ACAA2: variants seen among roughly 807,000 people sequenced by gnomAD.
ACAA2 encodes 3-ketoacyl-CoA thiolase, mitochondrial.
Under a neutral mutation model 44.8 loss-of-function variants are expected in ACAA2, and 35 were observed. That is an observed-to-expected ratio of 0.78 (90% CI 0.60 to 1.04). The LOEUF is 1.04. Ranked by LOEUF, ACAA2 falls within the 50% of genes least tolerant of loss-of-function variation. The probability of loss-of-function intolerance (pLI) is 0.00; values close to 1 mark genes in which losing one functional copy is unlikely to be tolerated. For missense variants in ACAA2, 468 were observed against 482.6 expected (o/e 0.97, Z 0.28); for synonymous variants, 142 against 166.5 (o/e 0.85, Z 1.13).
chr18:49,798,663 G>A (rs1271126237), intron 2 of ACAA2, among the ~76,000 whole-genome samples: 3 of 152,008 alleles, frequency 2.0e-5, no homozygotes, highest in Non-Finnish European at 4.4e-5. Context: ...TGACAAATTC[G>A]GCACATTTAT....
chr18:49,796,857 G>A (rs941740058), intron 3 of ACAA2, among the ~76,000 whole-genome samples: 11 of 152,064 alleles, frequency 7.2e-5, no homozygotes, highest in Non-Finnish European at 1.2e-4. Context: ...TTGCTTCATA[G>A]GATGGTTGTA....
chr18:49,785,512 G>T, intron 8 of ACAA2, 161 bp from the exon 9 acceptor site: 1 of 684,630 alleles, frequency 1.5e-6, no homozygotes. Context: ...AAAGCTATCA[G>T]GTTTAAAATG....
rs1598793119 is a variant in ACAA2, at chr18:49,791,516, A to T, written c.837T>A (p.Ile279=). 1.2e-6 allele frequency: 2 copies of T among 1,612,520 alleles called. No individual in the cohort carries two copies. Among genetic ancestry groups the T allele is most frequent in the African/African-American group, 2.7e-5 (2 of 74,974 alleles). The part of the protein sequence containing the change: ...KKHNFTPLAR[I]VGYFVSGCDP... ...CACATCCAGATACAAAGTAGCCCACAATTCTTGCCAGTGGTGTGAAGTTAT... is the reference window on the plus strand; with the variant it reads ...CACATCCAGATACAAAGTAGCCCACTATTCTTGCCAGTGGTGTGAAGTTAT... The change falls in exon 7 of 10, where the codon ATT becomes ATA. Residue 279 remains isoleucine, a synonymous_variant. Coordinates refer to ENST00000285093, the MANE Select transcript of ACAA2 (RefSeq NM_006111.3).
chr18:49,789,644 T>G (rs1240292897), intron 7 of ACAA2, among the ~76,000 whole-genome samples: 1 of 152,174 alleles, frequency 6.6e-6, no homozygotes, highest in Non-Finnish European at 1.5e-5. Flanking sequence ...TCACATACAT[T>G]TGTTTGATCA....
At chr18:49,809,421 G>C (rs1349877948) in intron 1 of ACAA2, among the ~76,000 whole-genome samples, 1 of 152,214 alleles carries the variant, frequency 6.6e-6, no homozygotes, top group Non-Finnish European at 1.5e-5. Flanking sequence ...CACAATTTAT[G>C]TTCCTCTGCC....
intron 1 of ACAA2, among the ~76,000 whole-genome samples, chr18:49,811,864 T>C (rs901249941): frequency 5.3e-5 from 8 of 152,182 alleles, no homozygotes; most frequent in African/African-American, 1.9e-4. Context: ...GTACCAGAAA[T>C]TTATAAACTT....
Position 49,797,605 on chromosome 18 carries a change from G to C in ACAA2, c.184-11C>G. ...AGCATCTGAAGAACTCTAGAAGAGA[G>C]AAGGAAAAGAAAAATAATTTTCTCT... On this transcript the variant is annotated splice_polypyrimidine_tract_variant and intron_variant, in intron 2 of 9. Transcript: ENST00000285093. 29 of 1,574,304 alleles carry C rather than the reference G, an allele frequency of 1.8e-5. No homozygotes were observed. Among genetic ancestry groups the C allele is most frequent in the Non-Finnish European group, 2.5e-5 (29 of 1,165,946 alleles).
intron 1 of ACAA2, among the ~76,000 whole-genome samples, chr18:49,806,035 A>G (rs530488012): frequency 6.6e-6 from 1 of 152,308 alleles, no homozygotes; most frequent in East Asian, 1.9e-4. Context: ...CAGACAATAT[A>G]TAAGAACAAC....
At position 49,787,260 on chromosome 18, in the gene ACAA2, TAAAAAAAAAAAA is replaced by T. The variant is rs35932656; in HGVS notation, c.954+19_954+30del. On this transcript the variant is annotated intron_variant, in intron 8 of 9. Transcript: ENST00000285093. Reference sequence around the variant, plus strand: ...AAAGTACATGGTTTATTCATGTTGTTAAAAAAAAAAAAAAAAAAAAAAACACTTACCTCTACC... The same window carrying T: ...AAAGTACATGGTTTATTCATGTTGTTAAAAAAAAAAACACTTACCTCTACC... 8.8e-6 allele frequency: 9 copies of T among 1,023,526 alleles called. No individual in the cohort carries two copies. The highest frequency in any genetic ancestry group is 2.0e-5 in the African/African-American group (1 of 49,684). The allele number at this position is 1,023,526 out of a possible 1,614,324, so 63.4% of individuals were successfully genotyped here.
At chr18:49,806,753 C>T (rs540504648) in intron 1 of ACAA2, among the ~76,000 whole-genome samples, 1 of 152,132 alleles carries the variant, frequency 6.6e-6, no homozygotes, top group South Asian at 2.1e-4. Context: ...AAAATATGCT[C>T]CTAATAAAAC....
chr18:49,795,395 A>G (rs2023453638), intron 4 of ACAA2, among the ~76,000 whole-genome samples: 1 of 152,188 alleles, frequency 6.6e-6, no homozygotes, highest in Non-Finnish European at 1.5e-5. Flanking sequence ...AGTCACGTTA[A>G]AGATTTAATT....
intron 9 of ACAA2, 30 bp downstream of exon 9, chr18:49,785,167 A>C (rs2023313615): frequency 6.3e-7 from 1 of 1,599,800 alleles, no homozygotes; most frequent in Non-Finnish European, 8.5e-7. Flanking sequence ...AAAACAGCAA[A>C]TCTGAAATGC....
At chr18:49,803,085 G>A in intron 1 of ACAA2, 1 of 540,098 alleles carries the variant, frequency 1.9e-6, no homozygotes. Flanking sequence ...ACTGCATGCT[G>A]TTAAGGAAGA....
intron 1 of ACAA2, among the ~76,000 whole-genome samples, chr18:49,803,949 C>T (rs189432884): frequency 1.3e-3 from 185 of 142,314 alleles, no homozygotes; most frequent in African/African-American, 4.5e-3. Flanking sequence ...TTGCTCTTGT[C>T]GCCCAGGCTG....
At position 49,794,285 on chromosome 18, in the gene ACAA2, T is replaced by G; in HGVS notation, c.572A>C (p.Lys191Thr). ...KYALQSQQRW[K>T]AANDAGYFND... Reference sequence around the variant, plus strand: ...TACTTTCCAGTTTCACTCACCAGCTTTCCATCTCTGCTGTGACTGCAGGGC... The same window carrying G: ...TACTTTCCAGTTTCACTCACCAGCTGTCCATCTCTGCTGTGACTGCAGGGC... Residue 191 changes from lysine (K) to threonine (T), a missense_variant, in exon 5 of 10, where the codon AAA becomes ACA. Physicochemically the swap from Lys to Thr is moderately conservative, Grantham distance 78. Coordinates refer to ENST00000285093, the MANE Select transcript of ACAA2 (RefSeq NM_006111.3). 1 of 1,598,540 alleles carries G rather than the reference T, an allele frequency of 6.3e-7. No individual in the cohort carries two copies. The highest frequency in any genetic ancestry group is 2.3e-4 in the Middle Eastern group (1 of 4,402).
chr18:49,787,662 TAATA>T (rs1417816379), intron 7 of ACAA2, among the ~76,000 whole-genome samples: 2 of 151,740 alleles, frequency 1.3e-5, no homozygotes, highest in Non-Finnish European at 2.9e-5. Context: ...AAAAAAATAA[TAATA>T]AAAATAAAAT....
At chr18:49,799,247 G>T (rs1050822213) in intron 2 of ACAA2, among the ~76,000 whole-genome samples, 22 of 151,602 alleles carry the variant, frequency 1.5e-4, no homozygotes, top group African/African-American at 4.4e-4. Context: ...TCTCCCCACG[G>T]TCTCCCTCTG....
chr18:49,791,859 A>G (rs1396108760), intron 6 of ACAA2, among the ~76,000 whole-genome samples: 1 of 152,194 alleles, frequency 6.6e-6, no homozygotes, highest in Non-Finnish European at 1.5e-5. Flanking sequence ...AAGAAATACG[A>G]TAAACTGTAT....
At chr18:49,795,611 T>C (rs536216468) in intron 4 of ACAA2, among the ~76,000 whole-genome samples, 154 bp downstream of exon 4, 2 of 152,350 alleles carry the variant, frequency 1.3e-5, no homozygotes, top group African/African-American at 4.8e-5. Flanking sequence ...AGTTTTGAAA[T>C]AGTTTACAAA....
Sources: gnomAD v4.1 joint callset for allele counts (sites outside exome capture counted in the v4.1 genomes callset) on GRCh38, gnomAD v4.1.1 for gene constraint, MANE v1.5 for transcripts, NCBI Gene and HGNC (gene_info 2026-07-23, HGNC 2026-07-21) for gene names.